The following IGF1R variants were observed in gnomAD, a reference collection of about 807,000 sequenced individuals.
The protein encoded by IGF1R is insulin-like growth factor 1 receptor.
In IGF1R, 44 loss-of-function variants were observed where a neutral mutation model predicts 144.6. The ratio of observed to expected loss-of-function variants is 0.30; its 90% CI spans 0.24 to 0.39. IGF1R has a LOEUF of 0.39. Ranked by LOEUF, IGF1R falls within the 10% of genes least tolerant of loss-of-function variation. IGF1R has a pLI of 1.00. For synonymous variants in IGF1R, 795 were observed against 722.8 expected (o/e 1.10, Z -1.60); for missense variants, 1,355 against 1,833.7 (o/e 0.74, Z 4.77).
chr15:98,697,518 T>C (rs1001722148), intron 1 of IGF1R, among the ~76,000 whole-genome samples: 2 of 151,992 alleles, frequency 1.3e-5, no homozygotes, highest in African/African-American at 4.8e-5. Context: ...CCACACCTGG[T>C]ATGGGTGGCA....
intron 2 of IGF1R, among the ~76,000 whole-genome samples, chr15:98,727,980 A>G (rs1486583065): frequency 7.0e-6 from 1 of 142,566 alleles, no homozygotes; most frequent in Non-Finnish European, 1.5e-5. Flanking sequence ...AACACGAGGT[A>G]GCCACTGTAC....
intron 2 of IGF1R, among the ~76,000 whole-genome samples, chr15:98,767,126 T>G (rs532577179): frequency 3.3e-5 from 5 of 152,342 alleles, no homozygotes; most frequent in Admixed American, 3.3e-4. Flanking sequence ...TCCATCTGTA[T>G]TTCTTTTTGT....
In IGF1R at chr15:98,958,063, G is replaced by A. The variant is rs1030538051; in HGVS notation, c.*621G>A. 2.8e-4 allele frequency: 65 copies of A among 234,264 alleles called. No homozygotes were observed. Among genetic ancestry groups the A allele is most frequent in the East Asian group, 6.0e-4 (10 of 16,570 alleles). 14.5% of individuals were successfully genotyped at this position (234,264 alleles called of 1,614,324 possible). A position where few individuals can be genotyped will look rare whatever the true frequency, so the allele number is the denominator to read the frequency against. On this transcript the variant is annotated 3_prime_UTR_variant, in exon 21 of 21. Transcript: ENST00000650285. The stretch of plus-strand genomic sequence containing the variant: ...CCTGAACTTTCTCCCTCATCGGCCC[G>A]GCGCTGATTCCTCGTGTCCGGAGGC...
At chr15:98,694,070 A>G (rs2053541738) in intron 1 of IGF1R, among the ~76,000 whole-genome samples, 2 of 152,180 alleles carry the variant, frequency 1.3e-5, no homozygotes, top group South Asian at 2.1e-4. Flanking sequence ...TGTGTCCTTT[A>G]TCTGGTAGCA....
chr15:98,851,952 G>A (rs1485320251), intron 2 of IGF1R, among the ~76,000 whole-genome samples: 1 of 152,214 alleles, frequency 6.6e-6, no homozygotes, highest in Non-Finnish European at 1.5e-5. Flanking sequence ...GCCCTTAATG[G>A]CGTATTGTGT....
intron 2 of IGF1R, among the ~76,000 whole-genome samples, chr15:98,835,601 G>A (rs2057085563): frequency 6.6e-6 from 1 of 152,206 alleles, no homozygotes; most frequent in African/African-American, 2.4e-5. Flanking sequence ...GGCACAGCAG[G>A]TCAAAGAGTA....
intron 2 of IGF1R, among the ~76,000 whole-genome samples, chr15:98,882,830 A>ACTG (rs1233404586): frequency 3.3e-5 from 5 of 152,182 alleles, no homozygotes; most frequent in African/African-American, 1.2e-4. Flanking sequence ...CCTTGTACAC[A>ACTG]CTGGACTTGG....
Position 98,929,675 on chromosome 15 carries a change from A to G in IGF1R, c.2885+15A>G, listed in dbSNP as rs56141459. 623 of 1,514,852 alleles carry G rather than the reference A, an allele frequency of 4.1e-4. 2 individuals carry two copies. In the African/African-American group the frequency reaches 5.7e-3, roughly 14 times the overall value. The allele number at this position is 1,514,852 out of a possible 1,614,324, so 93.8% of individuals were successfully genotyped here. ...CATAGAAAGAGGTCAGTGATGTGCA[A>G]AGTTATGACACTTTCTGTGGCTGAG... On this transcript the variant is annotated intron_variant, in intron 14 of 20. Coordinates refer to ENST00000650285, the MANE Select transcript of IGF1R (RefSeq NM_000875.5).
rs1253291391 is a variant in IGF1R, at chr15:98,891,325, T to C, written c.641T>C (p.Met214Thr). The C allele has an allele frequency of 6.2e-7, 1 of 1,605,590 alleles. No homozygotes were observed. The highest frequency in any genetic ancestry group is 1.3e-5 in the African/African-American group (1 of 75,052). The change falls in exon 3 of 21, where the codon ATG becomes ACG. Residue 214 changes from methionine (M) to threonine (T), a missense_variant and splice_region_variant. Transcript: ENST00000650285. This position sits in a 1 kb window ranked among gnomAD's most constrained non-coding sequence, Gnocchi z 4.7. ...RCWTTNRCQK[M>T]CPSTCGKRAC... ...CTCCGTCTCTCCTCTCTCTCCACAGTGTGCCCAAGCACGTGTGGGAAGCGG... is the reference window on the plus strand; with the variant it reads ...CTCCGTCTCTCCTCTCTCTCCACAGCGTGCCCAAGCACGTGTGGGAAGCGG...
At chr15:98,718,607 A>T (rs2054176419) in intron 2 of IGF1R, among the ~76,000 whole-genome samples, 1 of 152,194 alleles carries the variant, frequency 6.6e-6, no homozygotes, top group Non-Finnish European at 1.5e-5. Context: ...CAGTGCGCAT[A>T]CATCTGCCCT....
intron 1 of IGF1R, among the ~76,000 whole-genome samples, chr15:98,689,786 C>T (rs2053430406): frequency 6.6e-6 from 1 of 152,142 alleles, no homozygotes; most frequent in Non-Finnish European, 1.5e-5. Flanking sequence ...TGAACAGATC[C>T]TGTCCGATGG....
At chr15:98,825,873 G>A (rs2056886227) in intron 2 of IGF1R, among the ~76,000 whole-genome samples, 1 of 152,194 alleles carries the variant, frequency 6.6e-6, no homozygotes, top group Non-Finnish European at 1.5e-5. Context: ...ATCCATGGGT[G>A]TGGAGCCCTC....
chr15:98,847,046 G>A (rs1317827628), intron 2 of IGF1R, among the ~76,000 whole-genome samples: 1 of 151,960 alleles, frequency 6.6e-6, no homozygotes, highest in Non-Finnish European at 1.5e-5. Flanking sequence ...GCATGATCTC[G>A]GCTCACTGCA....
rs576628066 is a variant in IGF1R, at chr15:98,961,592, C to G, written c.*4150C>G. Reference sequence around the variant, plus strand: ...TGAGTTGTGGCATTTTCCATGCAACCTCCTTCTGCCAGCAGCTCACACTGC... The same window carrying G: ...TGAGTTGTGGCATTTTCCATGCAACGTCCTTCTGCCAGCAGCTCACACTGC... On this transcript the variant is annotated 3_prime_UTR_variant, in exon 21 of 21. Coordinates refer to ENST00000650285, the MANE Select transcript of IGF1R (RefSeq NM_000875.5). 4.3e-6 allele frequency: 1 copy of G among 233,706 alleles called. No homozygotes were observed. The highest frequency in any genetic ancestry group is 1.8e-4 in the South Asian group (1 of 5,530). The allele number at this position is 233,706 out of a possible 1,614,324, so 14.5% of individuals were successfully genotyped here.
intron 2 of IGF1R, among the ~76,000 whole-genome samples, chr15:98,798,875 A>G (rs929020223): frequency 3.3e-5 from 5 of 152,136 alleles, no homozygotes; most frequent in Non-Finnish European, 5.9e-5. Context: ...TTGAGCACTT[A>G]CTGTGTACCA....
intron 2 of IGF1R, among the ~76,000 whole-genome samples, chr15:98,759,429 G>A (rs540128936): frequency 7.2e-5 from 11 of 152,278 alleles, no homozygotes; most frequent in South Asian, 4.1e-4. Flanking sequence ...TGTTAGTGCC[G>A]AAGCACTTCT....
At chr15:98,938,059 T>C (rs924248592) in intron 17 of IGF1R, among the ~76,000 whole-genome samples, 4 of 151,810 alleles carry the variant, frequency 2.6e-5, no homozygotes, top group African/African-American at 9.7e-5. Context: ...TACCGAGGAG[T>C]TGTTATAATG....
chr15:98,666,655 T>C (rs1255200540), intron 1 of IGF1R, among the ~76,000 whole-genome samples: 1 of 152,174 alleles, frequency 6.6e-6, no homozygotes, highest in Non-Finnish European at 1.5e-5. Flanking sequence ...CAGTGCATAA[T>C]TGTTACCCTT....
At chr15:98,705,606 C>T (rs1368869782) in intron 1 of IGF1R, among the ~76,000 whole-genome samples, 1 of 152,206 alleles carries the variant, frequency 6.6e-6, no homozygotes, top group Non-Finnish European at 1.5e-5. Context: ...TCTAAGTTCT[C>T]AAGCTTTGCC....
Sources: allele counts gnomAD v4.1 joint callset (sites outside exome capture counted in the v4.1 genomes callset), GRCh38; gene constraint gnomAD v4.1.1; non-coding constraint Gnocchi (gnomAD v3.1); transcripts MANE v1.5; gene names NCBI Gene and HGNC (gene_info 2026-07-23, HGNC 2026-07-21).